The following HYCC1 variants were observed in gnomAD, a reference collection of about 807,000 sequenced individuals.
The protein encoded by HYCC1 is hyccin PI4KA lipid kinase complex subunit 1.
the HYCC1 span, among the ~76,000 whole-genome samples, chr7:22,932,228 G>C: frequency 6.6e-6 from 1 of 152,164 alleles, no homozygotes; most frequent in Non-Finnish European, 1.5e-5. Context: ...GAAGCAGACA[G>C]GTTTTTGAGG....
At chr7:22,961,383 A>G in the HYCC1 span, 5 of 923,836 alleles carry the variant, frequency 5.4e-6, no homozygotes, top group Admixed American at 3.7e-5. Flanking sequence ...ACAAAATACA[A>G]TGAGAAACTA....
the HYCC1 span, chr7:22,937,379 A>G: frequency 1.3e-5 from 2 of 152,218 alleles, no homozygotes; most frequent in African/African-American, 2.4e-5. Flanking sequence ...TAGTCCAGAT[A>G]CCATTCATAT....
the HYCC1 span, among the ~76,000 whole-genome samples, chr7:22,913,551 G>A: frequency 6.6e-6 from 1 of 152,176 alleles, no homozygotes; most frequent in Non-Finnish European, 1.5e-5. Flanking sequence ...AAAATGGCTG[G>A]TTCCCGCCTT....
the HYCC1 span, chr7:22,964,395 G>T: frequency 7.9e-7 from 1 of 1,272,350 alleles, no homozygotes; most frequent in Non-Finnish European, 1.2e-6. Context: ...TGTTTATTTC[G>T]CATATGATGA....
At chr7:22,960,984 G>A in the HYCC1 span, among the ~76,000 whole-genome samples, 1 of 152,224 alleles carries the variant, frequency 6.6e-6, no homozygotes, top group Non-Finnish European at 1.5e-5. Context: ...CCAGGAGGCG[G>A]AGGTTGCGGA....
chr7:22,925,516 C>T, the HYCC1 span, among the ~76,000 whole-genome samples: 8,099 of 152,116 alleles, frequency 0.053, 271 homozygotes, highest in Non-Finnish European at 0.082. Context: ...AACCACGGCA[C>T]GAGAACTACG....
At chr7:22,927,794 C>G in the HYCC1 span, among the ~76,000 whole-genome samples, 3 of 152,132 alleles carry the variant, frequency 2.0e-5, no homozygotes, top group Admixed American at 2.0e-4. Context: ...GAAACTATTC[C>G]AATCAAGAGA....
At chr7:22,945,374 C>A in the HYCC1 span, 2 of 576,852 alleles carry the variant, frequency 3.5e-6, no homozygotes, top group Non-Finnish European at 6.2e-6. Context: ...AGACTCAAAC[C>A]AAGGGGAAAA....
At chr7:22,978,546 T>A in the HYCC1 span, 2 of 1,033,178 alleles carry the variant, frequency 1.9e-6, no homozygotes, top group Non-Finnish European at 2.9e-6. Flanking sequence ...GTAAAAATCA[T>A]ATCTTTTTAA....
At chr7:22,925,512 G>A in the HYCC1 span, among the ~76,000 whole-genome samples, 5 of 152,252 alleles carry the variant, frequency 3.3e-5, no homozygotes, top group Admixed American at 2.0e-4. Context: ...TGAAAACCAC[G>A]GCACGAGAAC....
the HYCC1 span, among the ~76,000 whole-genome samples, chr7:23,008,317 A>G: frequency 6.6e-6 from 1 of 152,062 alleles, no homozygotes; most frequent in African/African-American, 2.4e-5. Flanking sequence ...AAGTTTTAAA[A>G]TATCAAATAT....
chr7:22,978,966 T>C, the HYCC1 span, among the ~76,000 whole-genome samples: 1 of 152,146 alleles, frequency 6.6e-6, no homozygotes, highest in African/African-American at 2.4e-5. Context: ...ATAGGCAAGG[T>C]AAGACCCTCT....
At chr7:22,991,274 A>T in the HYCC1 span, 1 of 592,318 alleles carries the variant, frequency 1.7e-6, no homozygotes, top group Non-Finnish European at 2.9e-6. Context: ...TACTAAATTC[A>T]TTTCAAAACC....
the HYCC1 span, among the ~76,000 whole-genome samples, chr7:23,012,244 A>C: frequency 1.3e-5 from 2 of 152,228 alleles, no homozygotes; most frequent in Middle Eastern, 3.2e-3. Context: ...ATGCTGAATA[A>C]AACAGTACAT....
chr7:22,926,915 T>G, the HYCC1 span, among the ~76,000 whole-genome samples: 1 of 151,626 alleles, frequency 6.6e-6, no homozygotes, highest in South Asian at 2.1e-4. Context: ...TACTCCAAAA[T>G]TGACCACATA....
At chr7:22,910,166 A>G in the HYCC1 span, among the ~76,000 whole-genome samples, 2 of 152,178 alleles carry the variant, frequency 1.3e-5, no homozygotes, top group Non-Finnish European at 1.5e-5. Flanking sequence ...CTCATGTTGA[A>G]ATGTGATCCT....
chr7:22,917,978 T>C, the HYCC1 span, among the ~76,000 whole-genome samples: 2 of 152,140 alleles, frequency 1.3e-5, no homozygotes, highest in Admixed American at 1.3e-4. Context: ...TAACAAACAA[T>C]TGCTGGCTTT....
chr7:22,978,587 T>C, the HYCC1 span: 1 of 722,150 alleles, frequency 1.4e-6, no homozygotes, highest in Non-Finnish European at 2.3e-6. Flanking sequence ...GTAGGGAGTT[T>C]CTTCCTAAAA....
the HYCC1 span, among the ~76,000 whole-genome samples, chr7:22,922,334 T>C: frequency 6.6e-6 from 1 of 152,236 alleles, no homozygotes; most frequent in East Asian, 1.9e-4. Flanking sequence ...GATAGGGTTA[T>C]GTCCTGATAA....
Sources: gnomAD v4.1 joint callset for allele counts (sites outside exome capture counted in the v4.1 genomes callset) on GRCh38, gnomAD v4.1.1 for gene constraint, MANE v1.5 for transcripts, NCBI Gene and HGNC (gene_info 2026-07-23, HGNC 2026-07-21) for gene names.